The following RALGAPA2 variants were observed in gnomAD, a reference collection of about 807,000 sequenced individuals.
RALGAPA2 encodes ral GTPase-activating protein subunit alpha-2.
Under a neutral mutation model 230.4 loss-of-function variants are expected in RALGAPA2, and 139 were observed. The observed-to-expected ratio is 0.60, with a 90% CI of 0.53 to 0.69. RALGAPA2 has a LOEUF of 0.69. RALGAPA2 is among the 30% of genes least tolerant of loss of function. The pLI is 0.00. For synonymous variants in RALGAPA2, 847 were observed against 837.8 expected, an observed-to-expected ratio of 1.01 and a Z score of -0.19; for missense variants, 2,163 against 2,276.0, an observed-to-expected ratio of 0.95 and a Z score of 1.01.
chr20:20,456,768 C>G (rs1454876915), intron 37 of RALGAPA2, among the ~76,000 whole-genome samples: 1 of 152,336 alleles, frequency 6.6e-6, no homozygotes, highest in African/African-American at 2.4e-5. Context: ...AGTCAACCCA[C>G]AGAACCATAG....
chr20:20,498,175 T>A (rs2062267798), intron 35 of RALGAPA2, among the ~76,000 whole-genome samples: 1 of 152,138 alleles, frequency 6.6e-6, no homozygotes, highest in Non-Finnish European at 1.5e-5. Context: ...TAGAAACCCA[T>A]CAGTGAGTTC....
At chr20:20,682,861 A>T (rs1218543262) in intron 1 of RALGAPA2, among the ~76,000 whole-genome samples, 2 of 152,220 alleles carry the variant, frequency 1.3e-5, no homozygotes, top group Non-Finnish European at 2.9e-5. Flanking sequence ...TCCTTGGGGC[A>T]ATCAAAAGAC....
At chr20:20,696,254 T>G (rs2069109815) in intron 1 of RALGAPA2, among the ~76,000 whole-genome samples, 1 of 152,154 alleles carries the variant, frequency 6.6e-6, no homozygotes, top group Non-Finnish European at 1.5e-5. Context: ...CCACAGCCAC[T>G]CATTCCTCTT....
intron 33 of RALGAPA2, among the ~76,000 whole-genome samples, chr20:20,509,889 T>C (rs1335062878): frequency 6.6e-6 from 1 of 152,144 alleles, no homozygotes; most frequent in Non-Finnish European, 1.5e-5. Context: ...TGAAATATAA[T>C]CTTCCAAGTG....
At chr20:20,481,306 T>G (rs1201690394) in intron 36 of RALGAPA2, among the ~76,000 whole-genome samples, 2 of 152,216 alleles carry the variant, frequency 1.3e-5, no homozygotes, top group African/African-American at 4.8e-5. Context: ...CTTTCAAGGA[T>G]GCAATGCAGA....
chr20:20,495,211 C>A lies in RALGAPA2; in HGVS notation c.5273G>T (p.Arg1758Met). Reference protein sequence around the residue: ...VWSEHSRDYRRGIIPTAFGDV... With the variant: ...VWSEHSRDYRMGIIPTAFGDV... ...TCCAAAGGCAGTTGGGATAATACCC[C>A]TGCGGTAGTCTCTGGAGTGTTCAGA... Residue 1758 changes from arginine to methionine, a missense_variant, in exon 36 of 40, where the codon AGG becomes ATG. Transcript: ENST00000202677. 6.2e-7 allele frequency: 1 copy of A among 1,611,496 alleles called. No individual in the cohort carries two copies. The highest frequency in any genetic ancestry group is 1.1e-5 in the South Asian group (1 of 90,920).
intron 37 of RALGAPA2, among the ~76,000 whole-genome samples, chr20:20,422,046 G>A (rs1190925572): frequency 2.6e-5 from 4 of 152,158 alleles, no homozygotes; most frequent in Admixed American, 1.3e-4. Context: ...CCCATATATC[G>A]TGGGACTTCA....
chr20:20,463,533 G>T (rs908580649), intron 37 of RALGAPA2, among the ~76,000 whole-genome samples: 2 of 151,850 alleles, frequency 1.3e-5, no homozygotes, highest in East Asian at 1.9e-4. Flanking sequence ...TTTAAATTAT[G>T]ATTTTTATTA....
At chr20:20,410,719 A>G (rs936208002) in intron 38 of RALGAPA2, among the ~76,000 whole-genome samples, 2 of 152,246 alleles carry the variant, frequency 1.3e-5, no homozygotes, top group African/African-American at 4.8e-5. Context: ...TTTTAATGTA[A>G]GAAACATTAA....
chr20:20,503,105 A>G (rs1019636456), intron 35 of RALGAPA2, among the ~76,000 whole-genome samples: 4 of 152,214 alleles, frequency 2.6e-5, no homozygotes, highest in Non-Finnish European at 5.9e-5. Context: ...CAGGGTCATC[A>G]TATTTTGTAA....
intron 1 of RALGAPA2, among the ~76,000 whole-genome samples, chr20:20,693,190 G>C (rs936141709): frequency 7.2e-5 from 11 of 152,274 alleles, no homozygotes; most frequent in Admixed American, 5.9e-4. Flanking sequence ...AAGTAATTCT[G>C]TATAAAGATA....
In RALGAPA2 at chr20:20,712,582, C is replaced by T; in HGVS notation, c.-102G>A. On this transcript the variant is annotated 5_prime_UTR_variant, in exon 1 of 40. Coordinates refer to ENST00000202677, the MANE Select transcript of RALGAPA2 (RefSeq NM_020343.4). The surrounding 1 kb of genome is among the most constrained non-coding windows in gnomAD (Gnocchi z 5.5). Reference sequence around the variant, plus strand: ...GCCGGCGCGTGTCGCGCGGGCCACTCGCCGCCCCCAGCCCCGCTGCTGCCG... The same window carrying T: ...GCCGGCGCGTGTCGCGCGGGCCACTTGCCGCCCCCAGCCCCGCTGCTGCCG... 2 of 1,270,324 alleles carry T rather than the reference C, an allele frequency of 1.6e-6. No individual in the cohort carries two copies. Among genetic ancestry groups the T allele is most frequent in the Non-Finnish European group, 2.0e-6 (2 of 1,006,580 alleles). 78.7% of individuals were successfully genotyped at this position (1,270,324 alleles called of 1,614,324 possible). A position where few individuals can be genotyped will look rare whatever the true frequency, so the allele number is the denominator to read the frequency against.
At chr20:20,521,169 T>C in intron 30 of RALGAPA2, 69 bp from the exon 31 acceptor site, 42 of 1,369,352 alleles carry the variant, frequency 3.1e-5, no homozygotes, top group Non-Finnish European at 4.1e-5. Flanking sequence ...TCTGTCAAAC[T>C]ACTGCAGCAC....
intron 1 of RALGAPA2, among the ~76,000 whole-genome samples, chr20:20,689,896 G>A (rs747735078): frequency 6.6e-5 from 10 of 152,182 alleles, no homozygotes; most frequent in South Asian, 6.2e-4. Context: ...CCCACAAACC[G>A]AAATACCAGC....
intron 4 of RALGAPA2, among the ~76,000 whole-genome samples, chr20:20,651,496 T>C (rs1407115748): frequency 6.6e-6 from 1 of 152,188 alleles, no homozygotes; most frequent in Non-Finnish European, 1.5e-5. Context: ...AAACTCAGTA[T>C]TTGGCAATCT....
rs564371568 is a variant in RALGAPA2, at chr20:20,477,986, C to CA, written c.5368-5031dup. Among the ~76,000 whole-genome samples the CA allele has an allele frequency of 1.7e-4, 26 of 152,228 alleles. No homozygotes were observed. The South Asian group carries it at 5.2e-3, about 30-fold the overall frequency. On this transcript the variant is annotated intron_variant, in intron 36 of 39. Coordinates refer to ENST00000202677, the MANE Select transcript of RALGAPA2 (RefSeq NM_020343.4). ...AAAATATTTACTATCTGGCCCTTTA[C>CA]AAAAAATGTTTGCTGGCCTCTCTTC...
At chr20:20,561,419 C>A (rs2064254340) in intron 23 of RALGAPA2, among the ~76,000 whole-genome samples, 1 of 152,218 alleles carries the variant, frequency 6.6e-6, no homozygotes, top group Admixed American at 6.5e-5. Flanking sequence ...TCCTTTCATA[C>A]ATACAGTGCC....
At chr20:20,705,968 A>G (rs1431732910) in intron 1 of RALGAPA2, among the ~76,000 whole-genome samples, 1 of 152,218 alleles carries the variant, frequency 6.6e-6, no homozygotes, top group Non-Finnish European at 1.5e-5. Context: ...CACCCCGCCA[A>G]GGTTTTTTCT....
intron 4 of RALGAPA2, among the ~76,000 whole-genome samples, chr20:20,645,184 G>A (rs1259071628): frequency 1.5e-5 from 2 of 136,356 alleles, no homozygotes; most frequent in Non-Finnish European, 3.1e-5. Flanking sequence ...GTACGATCTC[G>A]GCTCACTGCA....
Sources: allele counts gnomAD v4.1 joint callset (sites outside exome capture counted in the v4.1 genomes callset), GRCh38; gene constraint gnomAD v4.1.1; non-coding constraint Gnocchi (gnomAD v3.1); transcripts MANE v1.5; gene names NCBI Gene and HGNC (gene_info 2026-07-23, HGNC 2026-07-21).